ZFYVE9: variants seen among roughly 807,000 people sequenced by gnomAD.
ZFYVE9 encodes zinc finger FYVE domain-containing protein 9.
A neutral mutation model predicts 126.7 loss-of-function variants in ZFYVE9; 43 were observed. The ratio of observed to expected loss-of-function variants is 0.34; its 90% CI spans 0.27 to 0.44. The LOEUF (loss-of-function observed/expected upper bound fraction) is 0.44. ZFYVE9 is among the 20% of genes least tolerant of loss of function. The pLI, the probability that ZFYVE9 is intolerant of heterozygous loss-of-function variation, is 1.00. For missense variants in ZFYVE9, 1,476 were observed against 1,697.0 expected, an observed-to-expected ratio of 0.87 and a Z score of 2.29; for synonymous variants, 521 against 597.4, an observed-to-expected ratio of 0.87 and a Z score of 1.87.
In ZFYVE9 at chr1:52,335,718, G is replaced by A. The variant is rs187141136; in HGVS notation, c.3670+950G>A. Among the ~76,000 whole-genome samples, 292 of 152,310 alleles carry A rather than the reference G, an allele frequency of 1.9e-3. 1 individual carries two copies. In the Middle Eastern group the frequency reaches 0.034, roughly 18 times the overall value. On this transcript the variant is annotated intron_variant, in intron 15 of 18. Transcript: ENST00000287727. ...ACTTCACTTCTACATGGGAGAATGG[G>A]AAGATAGCATTGTAGAAAAATGAGA...
intron 1 of ZFYVE9, among the ~76,000 whole-genome samples, chr1:52,185,298 A>T (rs1013886693): frequency 2.0e-5 from 3 of 152,154 alleles, no homozygotes; most frequent in African/African-American, 7.2e-5. Flanking sequence ...ATTTAAGAAG[A>T]GAAAAAAACA....
At chr1:52,168,936 C>G (rs961084118) in intron 1 of ZFYVE9, among the ~76,000 whole-genome samples, 2 of 152,000 alleles carry the variant, frequency 1.3e-5, no homozygotes, top group African/African-American at 2.4e-5. Context: ...TAATCTGACC[C>G]CCCTGGAAAC....
rs1645073427 is a variant in ZFYVE9, at chr1:52,216,492, T to C, written c.-37+18T>C. On this transcript the variant is annotated intron_variant, in intron 2 of 18. Coordinates refer to ENST00000287727, the MANE Select transcript of ZFYVE9 (RefSeq NM_004799.4). ...GGAAAAAGGTAAGAAAATGTTTTTA[T>C]TTCTCTTAGAGATTGAACTTGAGAA... The C allele has an allele frequency of 2.5e-6, 1 of 398,486 alleles. No individual in the cohort carries two copies. Among genetic ancestry groups the C allele is most frequent in the Non-Finnish European group, 4.4e-6 (1 of 225,942 alleles). The allele number at this position is 398,486 out of a possible 1,614,324, so 24.7% of individuals were successfully genotyped here. A position where few individuals can be genotyped will look rare whatever the true frequency, so the allele number is the denominator to read the frequency against.
At chr1:52,290,960 C>T (rs1479929339) in intron 10 of ZFYVE9, among the ~76,000 whole-genome samples, 2 of 152,144 alleles carry the variant, frequency 1.3e-5, no homozygotes, top group South Asian at 2.1e-4. Flanking sequence ...TGCCCCAGAT[C>T]CCACAACAGT....
intron 2 of ZFYVE9, among the ~76,000 whole-genome samples, chr1:52,227,540 A>T (rs1645181522): frequency 1.3e-5 from 2 of 152,214 alleles, no homozygotes; most frequent in Non-Finnish European, 2.9e-5. Context: ...CACCACAGAG[A>T]TCCTTATTGC....
At chr1:52,246,585 G>A (rs540052264) in intron 4 of ZFYVE9, among the ~76,000 whole-genome samples, 78 of 149,422 alleles carry the variant, frequency 5.2e-4, no homozygotes, top group African/African-American at 1.7e-3. Context: ...AGGCTGGAGT[G>A]CAGTGGCATG....
At chr1:52,207,327 T>C (rs1644987643) in intron 1 of ZFYVE9, among the ~76,000 whole-genome samples, 1 of 152,248 alleles carries the variant, frequency 6.6e-6, no homozygotes, top group Non-Finnish European at 1.5e-5. Context: ...ACGTCTGTTA[T>C]CACATTTTCC....
chr1:52,157,141 A>G (rs1315810718), intron 1 of ZFYVE9, among the ~76,000 whole-genome samples: 1 of 151,776 alleles, frequency 6.6e-6, no homozygotes, highest in Non-Finnish European at 1.5e-5. Context: ...CTCCTTCCCC[A>G]CTTTATAGTT....
intron 1 of ZFYVE9, among the ~76,000 whole-genome samples, chr1:52,148,304 G>C (rs959026392): frequency 1.3e-5 from 2 of 151,844 alleles, no homozygotes; most frequent in African/African-American, 4.8e-5. Flanking sequence ...GTGAAACTCT[G>C]TCTCTCCTGA....
intron 7 of ZFYVE9, among the ~76,000 whole-genome samples, chr1:52,271,425 TTTA>T (rs550354196): frequency 1.3e-5 from 2 of 151,992 alleles, no homozygotes; most frequent in Admixed American, 6.6e-5. Flanking sequence ...TAAATGTCTT[TTTA>T]TTATTATTAT....
chr1:52,188,397 C>T (rs1025493125), intron 1 of ZFYVE9, among the ~76,000 whole-genome samples: 1 of 152,068 alleles, frequency 6.6e-6, no homozygotes, highest in African/African-American at 2.4e-5. Context: ...ACCTGGGTGA[C>T]AAAATAATTT....
rs546056188 is a variant in ZFYVE9 at position 52,344,689 on chromosome 1, G to A, written c.3940-79G>A. 11 of 1,417,334 alleles carry A rather than the reference G, an allele frequency of 7.8e-6. No individual in the cohort carries two copies. In the African/African-American group the frequency reaches 9.9e-5, roughly 13 times the overall value. 87.8% of individuals were successfully genotyped at this position (1,417,334 alleles called of 1,614,324 possible). On this transcript the variant is annotated intron_variant, in intron 17 of 18. Coordinates refer to ENST00000287727, the MANE Select transcript of ZFYVE9 (RefSeq NM_004799.4). ...TTCTTGCACATCTTGGAGAATCAGG[G>A]TGCTCATATACAGTGAGCTAATCTA...
At position 52,274,420 on chromosome 1, in the gene ZFYVE9, T is replaced by C. The variant is rs780691508; in HGVS notation, c.2626-44T>C. 4 of 1,528,868 alleles carry C rather than the reference T, an allele frequency of 2.6e-6. No homozygotes were observed. The South Asian group carries it at 5.1e-5, about 19-fold the overall frequency. 94.7% of individuals were successfully genotyped at this position (1,528,868 alleles called of 1,614,324 possible). A position where few individuals can be genotyped will look rare whatever the true frequency, so the allele number is the denominator to read the frequency against. The stretch of plus-strand genomic sequence containing the variant: ...TTTTTAATTATGTCCTGCCAAAGTC[T>C]TGAATTCTCTGTAGTGCTCACTTTG... On this transcript the variant is annotated intron_variant, in intron 7 of 18. Transcript: ENST00000287727.
Position 52,142,732 on chromosome 1 carries a change from C to T in ZFYVE9, c.-143+329C>T, listed in dbSNP as rs989560937. 4.1e-4 allele frequency among the ~76,000 whole-genome samples: 63 copies of T among 152,304 alleles called. No individual in the cohort carries two copies. The highest frequency in any genetic ancestry group is 1.4e-3 in the African/African-American group (58 of 41,594). ...CGAGCGCAGCCTCTTAGCCCGGGCC[C>T]TGCACGTACATCCCGGAGGGAGGCA... On this transcript the variant is annotated intron_variant, in intron 1 of 18. Transcript: ENST00000287727. The surrounding 1 kb of genome is among the most constrained non-coding windows in gnomAD (Gnocchi z 4.5).
chr1:52,143,256 C>T (rs529248637), intron 1 of ZFYVE9, among the ~76,000 whole-genome samples: 3 of 152,282 alleles, frequency 2.0e-5, no homozygotes, highest in African/African-American at 4.8e-5. Flanking sequence ...GCCAGCTACC[C>T]TAATAAATAC....
chr1:52,148,901 A>AGT (rs1040554601), intron 1 of ZFYVE9, among the ~76,000 whole-genome samples: 1 of 148,408 alleles, frequency 6.7e-6, no homozygotes, highest in African/African-American at 2.5e-5. Context: ...GGCCTCCCAA[A>AGT]GTGCTGGGAT....
intron 1 of ZFYVE9, among the ~76,000 whole-genome samples, chr1:52,205,869 G>A (rs1282504647): frequency 6.6e-6 from 1 of 152,100 alleles, no homozygotes; most frequent in African/African-American, 2.4e-5. Flanking sequence ...TTGCCACCTA[G>A]AATGATCCGA....
intron 1 of ZFYVE9, among the ~76,000 whole-genome samples, chr1:52,206,381 A>G (rs1299869502): frequency 6.6e-6 from 1 of 152,242 alleles, no homozygotes; most frequent in Non-Finnish European, 1.5e-5. Context: ...TGGCAAAGAT[A>G]ATCCAAGAGA....
At position 52,263,912 on chromosome 1, in the gene ZFYVE9, A is replaced by T. The variant is rs181675968; in HGVS notation, c.2278+40A>T. ...AGGTTGATTTCATAGTTATTGAGAC[A>T]AAACAAGGGAATTACGATGAGAAGA... is the stretch of plus-strand genomic sequence containing the variant. On this transcript the variant is annotated intron_variant, in intron 5 of 18. Transcript: ENST00000287727. 2.8e-3 allele frequency: 3,891 copies of T among 1,368,298 alleles called. 9 individuals carry two copies. The highest frequency in any genetic ancestry group is 3.6e-3 in the Non-Finnish European group (3,569 of 990,004). 84.8% of individuals were successfully genotyped at this position (1,368,298 alleles called of 1,614,324 possible). A position where few individuals can be genotyped will look rare whatever the true frequency, so the allele number is the denominator to read the frequency against.
Sources: allele counts gnomAD v4.1 joint callset (sites outside exome capture counted in the v4.1 genomes callset), GRCh38; gene constraint gnomAD v4.1.1; non-coding constraint Gnocchi (gnomAD v3.1); transcripts MANE v1.5; gene names NCBI Gene and HGNC (gene_info 2026-07-23, HGNC 2026-07-21).